The following NRG1 variants were observed in gnomAD, a reference collection of about 807,000 sequenced individuals.
The protein encoded by NRG1 is pro-neuregulin-1, membrane-bound isoform.
NRG1 carries 18 observed loss-of-function variants against 63.8 expected under a neutral mutation model. The ratio of observed to expected loss-of-function variants is 0.28; its 90% CI spans 0.19 to 0.42. NRG1 has a LOEUF of 0.42. Among genes scored for constraint, NRG1 ranks in the 10% least tolerant of loss-of-function variants. NRG1 has a pLI of 1.00. For missense variants in NRG1, 762 were observed against 814.7 expected, an observed-to-expected ratio of 0.94 and a Z score of 0.79; for synonymous variants, 302 against 301.3, an observed-to-expected ratio of 1.00 and a Z score of -0.02.
rs534802307 is a variant in NRG1 at position 31,941,653 on chromosome 8, C to T, written c.37+302222C>T. ...GTATACCTAGAAACCCTAAAGTTTC[C>T]ACCAAAAAGCTCCTAGAACTGGTAA... On this transcript the variant is annotated intron_variant, in intron 1 of 10. Coordinates refer to the NRG1 transcript ENST00000519301. 1.0e-3 allele frequency among the ~76,000 whole-genome samples: 153 copies of T among 152,072 alleles called. 1 individual carries two copies. The highest frequency in any genetic ancestry group is 1.7e-3 in the Non-Finnish European group (118 of 67,936).
chr8:32,291,932 C>A (rs945202466), intron 1 of NRG1, among the ~76,000 whole-genome samples: 2 of 152,182 alleles, frequency 1.3e-5, no homozygotes, highest in Admixed American at 1.3e-4. Context: ...TTGGTACCAG[C>A]ACCAGCTACA....
chr8:32,166,919 C>A (rs1288668151), intron 1 of NRG1, among the ~76,000 whole-genome samples: 1 of 152,118 alleles, frequency 6.6e-6, no homozygotes, highest in African/African-American at 2.4e-5. Context: ...TGGAAGAATA[C>A]CTTCACCATT....
chr8:31,946,268 G>C (rs1039656078), intron 1 of NRG1, among the ~76,000 whole-genome samples: 3 of 152,100 alleles, frequency 2.0e-5, no homozygotes, highest in Admixed American at 2.0e-4. Context: ...TGCCCATTCT[G>C]ATTTCTCCTC....
chr8:31,980,722 A>G (rs112450285), intron 1 of NRG1, among the ~76,000 whole-genome samples: 2,357 of 152,152 alleles, frequency 0.015, 25 homozygotes, highest in Non-Finnish European at 0.025. Flanking sequence ...TCAAGTTGGA[A>G]ATGAATGAAG....
chr8:32,082,882 A>G (rs1253994250), intron 1 of NRG1, among the ~76,000 whole-genome samples: 2 of 152,160 alleles, frequency 1.3e-5, no homozygotes, highest in Non-Finnish European at 2.9e-5. Context: ...TAAAAGCTCA[A>G]GGTGCATGCT....
chr8:32,608,961 T>C (rs1162739064), intron 3 of NRG1, among the ~76,000 whole-genome samples: 3 of 152,184 alleles, frequency 2.0e-5, no homozygotes, highest in Non-Finnish European at 4.4e-5. Context: ...AAGTTGATTG[T>C]TGCATATTCA....
chr8:32,452,080 G>A (rs533371754), intron 1 of NRG1, among the ~76,000 whole-genome samples: 20 of 152,186 alleles, frequency 1.3e-4, no homozygotes, highest in Admixed American at 2.6e-4. Context: ...TGCCTGCCTC[G>A]ACCTCCCAAA....
At chr8:31,749,011 A>G (rs759020269) in intron 1 of NRG1, among the ~76,000 whole-genome samples, 7 of 152,038 alleles carry the variant, frequency 4.6e-5, no homozygotes, top group Middle Eastern at 3.4e-3. Flanking sequence ...AAACTGCCTA[A>G]ATGTACAACA....
At chr8:31,984,758 G>C (rs1298699926) in intron 1 of NRG1, among the ~76,000 whole-genome samples, 1 of 152,044 alleles carries the variant, frequency 6.6e-6, no homozygotes, top group Non-Finnish European at 1.5e-5. Flanking sequence ...TTCGTTCACT[G>C]GTCTTTCATC....
intron 1 of NRG1, among the ~76,000 whole-genome samples, chr8:32,028,549 T>C (rs566886812): frequency 1.5e-3 from 225 of 152,322 alleles, no homozygotes; most frequent in Non-Finnish European, 2.5e-3. Context: ...TTTGCATTAT[T>C]TTATTTCATT....
chr8:31,754,158 C>T (rs1479047571), intron 1 of NRG1, among the ~76,000 whole-genome samples: 6 of 152,072 alleles, frequency 3.9e-5, no homozygotes, highest in African/African-American at 1.4e-4. Context: ...CTAGAAGGTA[C>T]TAAGGATGAA....
chr8:32,256,233 G>A (rs562384477), intron 1 of NRG1, among the ~76,000 whole-genome samples: 6 of 152,240 alleles, frequency 3.9e-5, no homozygotes, highest in South Asian at 2.1e-4. Context: ...CCTTGCTGGT[G>A]AGGAGTTTGT....
intron 1 of NRG1, among the ~76,000 whole-genome samples, chr8:32,010,259 T>A (rs1179907566): frequency 6.6e-6 from 1 of 152,080 alleles, no homozygotes; most frequent in African/African-American, 2.4e-5. Context: ...ACATGCAGTA[T>A]CCTAAAAGAA....
intron 1 of NRG1, among the ~76,000 whole-genome samples, chr8:31,922,518 A>G (rs146796092): frequency 6.6e-6 from 1 of 152,190 alleles, no homozygotes; most frequent in African/African-American, 2.4e-5. Context: ...TAATGCCATA[A>G]AGTCACCTCT....
intron 1 of NRG1, among the ~76,000 whole-genome samples, chr8:32,415,177 G>A (rs1815688376): frequency 6.6e-6 from 1 of 152,022 alleles, no homozygotes; most frequent in African/African-American, 2.4e-5. Context: ...GGAGGCCGAG[G>A]CAGGTGGATC....
At chr8:32,325,330 ACT>A (rs1201642773) in intron 1 of NRG1, among the ~76,000 whole-genome samples, 2 of 152,094 alleles carry the variant, frequency 1.3e-5, no homozygotes, top group African/African-American at 4.8e-5. Flanking sequence ...ATATCAAGAG[ACT>A]CTAGTACTGA....
intron 1 of NRG1, among the ~76,000 whole-genome samples, chr8:32,021,710 GTA>G (rs1215235363): frequency 2.1e-5 from 2 of 96,018 alleles, no homozygotes; most frequent in South Asian, 4.8e-4. Flanking sequence ...CATAAAAAAT[GTA>G]TCTATCAATC....
intron 1 of NRG1, among the ~76,000 whole-genome samples, chr8:31,876,563 C>T (rs972040321): frequency 3.3e-5 from 5 of 152,110 alleles, no homozygotes; most frequent in East Asian, 3.8e-4. Context: ...TAAATAATGA[C>T]TCTTGTAACA....
intron 1 of NRG1, among the ~76,000 whole-genome samples, chr8:32,246,133 T>C (rs1848573629): frequency 6.6e-6 from 1 of 152,176 alleles, no homozygotes; most frequent in Non-Finnish European, 1.5e-5. Context: ...AATTTCTGAT[T>C]TCTCTAACAG....
Sources: gnomAD v4.1 joint callset for allele counts (sites outside exome capture counted in the v4.1 genomes callset) on GRCh38, gnomAD v4.1.1 for gene constraint, MANE v1.5 for transcripts, NCBI Gene and HGNC (gene_info 2026-07-23, HGNC 2026-07-21) for gene names.